The following ROBO2 variants were observed in gnomAD, a reference collection of about 807,000 sequenced individuals.
ROBO2 encodes roundabout homolog 2.
ROBO2 carries 53 observed loss-of-function variants against 160.8 expected under a neutral mutation model. The ratio of observed to expected loss-of-function variants is 0.33; its 90% CI spans 0.26 to 0.41. ROBO2 has a LOEUF of 0.41. ROBO2 is among the 10% of genes least tolerant of loss of function. The probability of loss-of-function intolerance (pLI) is 1.00; values close to 1 mark genes in which losing one functional copy is unlikely to be tolerated. For missense variants in ROBO2, 1,577 were observed against 1,722.4 expected (o/e 0.92, Z 1.49); for synonymous variants, 664 against 611.7 (o/e 1.09, Z -1.26).
At chr3:76,482,727 C>A (rs2079278647) in intron 2 of ROBO2, among the ~76,000 whole-genome samples, 1 of 152,138 alleles carries the variant, frequency 6.6e-6, no homozygotes, top group Non-Finnish European at 1.5e-5. Flanking sequence ...TACAGTGAAT[C>A]ACTGATCTAT....
intron 2 of ROBO2, among the ~76,000 whole-genome samples, chr3:76,166,152 A>G (rs1178757108): frequency 2.6e-5 from 4 of 152,202 alleles, no homozygotes; most frequent in Non-Finnish European, 1.5e-5. Context: ...TGTTACCACA[A>G]CCTTCAATGT....
At chr3:76,336,603 A>AT (rs1225071305) in intron 2 of ROBO2, among the ~76,000 whole-genome samples, 2 of 152,212 alleles carry the variant, frequency 1.3e-5, no homozygotes, top group Non-Finnish European at 2.9e-5. Context: ...ATGCTTTCAA[A>AT]TATTCACTAA....
intron 13 of ROBO2, among the ~76,000 whole-genome samples, chr3:77,572,641 A>ACACG (rs1488101685): frequency 7.2e-6 from 1 of 138,958 alleles, no homozygotes; most frequent in African/African-American, 3.3e-5. Flanking sequence ...ATAGAAACAC[A>ACACG]CACACACACA....
At chr3:75,999,351 A>G in intron 2 of ROBO2, among the ~76,000 whole-genome samples, 1 of 152,196 alleles carries the variant, frequency 6.6e-6, no homozygotes, top group Non-Finnish European at 1.5e-5. Flanking sequence ...GGAACATTAA[A>G]TGTCCCCCAA....
chr3:76,393,212 A>G (rs904383676), intron 2 of ROBO2, among the ~76,000 whole-genome samples: 3 of 152,174 alleles, frequency 2.0e-5, no homozygotes, highest in Admixed American at 6.6e-5. Context: ...AAGAATCTCT[A>G]GATATGGAAA....
intron 2 of ROBO2, among the ~76,000 whole-genome samples, chr3:76,224,863 T>A (rs1704189070): frequency 6.6e-6 from 1 of 152,142 alleles, no homozygotes; most frequent in South Asian, 2.1e-4. Flanking sequence ...GGTCTATAAT[T>A]AATGCACAAT....
rs1055006197 is a variant in ROBO2, at chr3:77,005,939, T to C, written c.110-92075T>C. 2.0e-5 allele frequency among the ~76,000 whole-genome samples: 3 copies of C among 152,222 alleles called. No individual in the cohort carries two copies. In the East Asian group the frequency reaches 5.8e-4, roughly 29 times the overall value. On this transcript the variant is annotated intron_variant, in intron 2 of 26. Coordinates refer to the ROBO2 transcript ENST00000487694. ...TTGTTGCTTTTTAATGAGTCAATTA[T>C]TAGACTAAGTGCTTTCTTGGAAAAC...
intron 2 of ROBO2, among the ~76,000 whole-genome samples, chr3:76,473,296 C>G (rs981300616): frequency 5.9e-5 from 9 of 152,070 alleles, no homozygotes; most frequent in Admixed American, 6.6e-5. Flanking sequence ...CCTGAGTGCT[C>G]CAACTCAACA....
chr3:77,356,814 T>C (rs1030668094), intron 2 of ROBO2, among the ~76,000 whole-genome samples: 1 of 152,172 alleles, frequency 6.6e-6, no homozygotes, highest in Non-Finnish European at 1.5e-5. Context: ...TGACACGATA[T>C]TTAATGTTTG....
chr3:77,464,557 G>C (rs141079074), intron 2 of ROBO2, among the ~76,000 whole-genome samples: 39 of 152,086 alleles, frequency 2.6e-4, no homozygotes, highest in Non-Finnish European at 1.0e-4. Context: ...GGGAGGAAGG[G>C]GACTATTCAG....
intron 2 of ROBO2, among the ~76,000 whole-genome samples, chr3:75,954,608 A>G (rs1948663312): frequency 6.6e-6 from 1 of 151,922 alleles, no homozygotes; most frequent in Non-Finnish European, 1.5e-5. Context: ...AAAGAAGTTC[A>G]AAACAAAACG....
At chr3:77,550,826 T>A in exon 8 of ROBO2, 1 of 1,612,896 alleles carries the variant, frequency 6.2e-7, no homozygotes, top group African/African-American at 1.3e-5. Context: ...AGAACCTACT[T>A]TTCCCAAACC....
intron 2 of ROBO2, among the ~76,000 whole-genome samples, chr3:76,745,944 T>C (rs71315356): frequency 0.13 from 18,369 of 146,236 alleles, 1,342 homozygotes; most frequent in African/African-American, 0.18. Flanking sequence ...TAACTCGTCA[T>C]TTAACATTAG....
At chr3:75,964,040 C>T (rs564886579) in intron 2 of ROBO2, among the ~76,000 whole-genome samples, 2 of 151,782 alleles carry the variant, frequency 1.3e-5, no homozygotes, top group Non-Finnish European at 2.9e-5. Context: ...GCGTTCAGCC[C>T]ATAACTAACA....
At chr3:76,905,158 T>C (rs548807929) in intron 2 of ROBO2, among the ~76,000 whole-genome samples, 3 of 152,256 alleles carry the variant, frequency 2.0e-5, no homozygotes, top group African/African-American at 7.2e-5. Flanking sequence ...TGGGAGTATA[T>C]TGAGAGATTG....
chr3:77,188,724 T>C (rs1255185750), intron 2 of ROBO2, among the ~76,000 whole-genome samples: 4 of 151,918 alleles, frequency 2.6e-5, no homozygotes, highest in South Asian at 2.1e-4. Flanking sequence ...ACATTCTGTG[T>C]TCACCAAAAA....
intron 24 of ROBO2, among the ~76,000 whole-genome samples, chr3:77,639,582 T>C (rs549035857): frequency 2.0e-5 from 3 of 152,174 alleles, no homozygotes; most frequent in Non-Finnish European, 4.4e-5. Flanking sequence ...CAAGTGAAGC[T>C]TGAGACTTAT....
At chr3:77,632,651 G>T in intron 23 of ROBO2, 2 of 1,534,198 alleles carry the variant, frequency 1.3e-6, no homozygotes, top group Non-Finnish European at 1.7e-6. Flanking sequence ...AGCCTTACAA[G>T]AACAGGTTGG....
At chr3:76,306,453 T>A (rs1429478778) in intron 2 of ROBO2, among the ~76,000 whole-genome samples, 1 of 152,132 alleles carries the variant, frequency 6.6e-6, no homozygotes, top group African/African-American at 2.4e-5. Flanking sequence ...TTATTGTGCA[T>A]AAATAGTAAA....
Sources: allele counts gnomAD v4.1 joint callset (sites outside exome capture counted in the v4.1 genomes callset), GRCh38; gene constraint gnomAD v4.1.1; transcripts MANE v1.5; gene names NCBI Gene and HGNC (gene_info 2026-07-23, HGNC 2026-07-21).